Variants in GBF1 observed in about 807,000 individuals in gnomAD.
The protein encoded by GBF1 is Golgi-specific brefeldin A-resistance guanine nucleotide exchange factor 1.
A neutral mutation model predicts 210.5 loss-of-function variants in GBF1; 114 were observed. The ratio of observed to expected loss-of-function variants is 0.54; its 90% CI spans 0.47 to 0.63. The LOEUF (loss-of-function observed/expected upper bound fraction) is 0.63. Ranked by LOEUF, GBF1 falls within the 30% of genes least tolerant of loss-of-function variation. The probability of loss-of-function intolerance (pLI) is 0.00; values close to 1 mark genes in which losing one functional copy is unlikely to be tolerated. For synonymous variants in GBF1, 850 were observed against 889.2 expected, an observed-to-expected ratio of 0.96 and a Z score of 0.78; for missense variants, 1,851 against 2,357.7, an observed-to-expected ratio of 0.79 and a Z score of 4.45.
In GBF1 at chr10:102,362,629, G is replaced by A. The variant is rs769517145; in HGVS notation, c.1841G>A (p.Cys614Tyr). 2 of 1,614,188 alleles carry A rather than the reference G, an allele frequency of 1.2e-6. No homozygotes were observed. The highest frequency in any genetic ancestry group is 2.2e-5 in the South Asian group (2 of 91,086). ...AAGAAGGAGACAGCCAGACCAAGCTGTGAGATAGTAGATGGCACCCGAGAA... is the reference window on the plus strand; with the variant it reads ...AAGAAGGAGACAGCCAGACCAAGCTATGAGATAGTAGATGGCACCCGAGAA... ...QEKKETARPS[C>Y]EIVDGTREAS... The change falls in exon 15 of 40, where the codon TGT becomes TAT. Residue 614 changes from cysteine to tyrosine, a missense_variant. Physicochemically the swap from Cys to Tyr is radical, Grantham distance 194 (BLOSUM62 -2). Coordinates refer to ENST00000369983, the MANE Select transcript of GBF1 (RefSeq NM_001377137.1).
chr10:102,332,358 A>G (rs545581191), intron 3 of GBF1, among the ~76,000 whole-genome samples: 1 of 151,158 alleles, frequency 6.6e-6, no homozygotes, highest in South Asian at 2.1e-4. Context: ...TGTTGGATCC[A>G]CAGACACAGA....
intron 1 of GBF1, among the ~76,000 whole-genome samples, chr10:102,253,903 G>T (rs1461089283): frequency 2.0e-5 from 3 of 152,170 alleles, no homozygotes; most frequent in Non-Finnish European, 2.9e-5. Flanking sequence ...GATTATTAAT[G>T]AAGCTAATAA....
At position 102,370,976 on chromosome 10, in the gene GBF1, C is replaced by T; in HGVS notation, c.3660+116C>T. The T allele has an allele frequency of 3.1e-6, 3 of 978,882 alleles. No individual in the cohort carries two copies. The Admixed American group carries it at 6.6e-5, about 21-fold the overall frequency. The allele number at this position is 978,882 out of a possible 1,614,324, so 60.6% of individuals were successfully genotyped here. A position where few individuals can be genotyped will look rare whatever the true frequency, so the allele number is the denominator to read the frequency against. On this transcript the variant is annotated intron_variant, in intron 29 of 39. Transcript: ENST00000369983. ...CATTTAGTGCCCCATAGCATGAGTCCAGTGACCAACCACAGGGCTGGTGCA... is the reference window on the plus strand; with the variant it reads ...CATTTAGTGCCCCATAGCATGAGTCTAGTGACCAACCACAGGGCTGGTGCA...
At chr10:102,335,288 C>T (rs2057649927) in intron 3 of GBF1, among the ~76,000 whole-genome samples, 1 of 152,162 alleles carries the variant, frequency 6.6e-6, no homozygotes, top group Admixed American at 6.5e-5. Flanking sequence ...TTCAGAGCAC[C>T]TCTCTACCTA....
intron 22 of GBF1, 83 bp downstream of exon 22, chr10:102,368,537 C>A: frequency 1.1e-6 from 1 of 912,140 alleles, no homozygotes; most frequent in Non-Finnish European, 1.8e-6. Context: ...CTGACTCCTA[C>A]TGTTACTTCA....
intron 17 of GBF1, among the ~76,000 whole-genome samples, chr10:102,364,217 C>CTTTTTTTT (rs1031275118): frequency 6.0e-5 from 4 of 66,940 alleles, no homozygotes; most frequent in Non-Finnish European, 1.1e-4. Context: ...CTTTGGATTT[C>CTTTTTTTT]TTTTTTTTTT....
intron 21 of GBF1, 26 bp from the exon 22 acceptor site, chr10:102,368,192 C>A: frequency 6.7e-7 from 1 of 1,496,086 alleles, no homozygotes; most frequent in Non-Finnish European, 9.3e-7. Context: ...AGCAGTGCAA[C>A]TGCTCCTTCC....
intron 4 of GBF1, among the ~76,000 whole-genome samples, chr10:102,344,711 A>C (rs2058419560): frequency 6.6e-6 from 1 of 151,922 alleles, no homozygotes; most frequent in African/African-American, 2.4e-5. Flanking sequence ...CGATCTCCTG[A>C]CCTCATGATC....
Position 102,258,972 on chromosome 10 carries a change from G to A in GBF1, c.34G>A (p.Glu12Lys). 6.2e-7 allele frequency: 1 copy of A among 1,606,550 alleles called. No homozygotes were observed. The change falls in exon 2 of 40, where the codon GAG becomes AAG. Residue 12 changes from glutamate (E) to lysine (K), a missense_variant. This residue lies in a region of GBF1 where 804 missense variants were observed against 958.6 expected (regional missense o/e 0.84). Coordinates refer to ENST00000369983, the MANE Select transcript of GBF1 (RefSeq NM_001377137.1). ...TAAGAATATTTACATCATTCAAGGGGAGATTAACATTGTGGTTGGGGCCAT... is the reference window on the plus strand; with the variant it reads ...TAAGAATATTTACATCATTCAAGGGAAGATTAACATTGTGGTTGGGGCCAT... Reference protein sequence around the residue: ...VDKNIYIIQGEINIVVGAIKR... With the variant: ...VDKNIYIIQGKINIVVGAIKR...
At chr10:102,329,032 G>A (rs1310600897) in intron 3 of GBF1, among the ~76,000 whole-genome samples, 1 of 152,154 alleles carries the variant, frequency 6.6e-6, no homozygotes, top group African/African-American at 2.4e-5. Flanking sequence ...TTAAGTTGGG[G>A]CTTGGTCTTC....
Position 102,366,876 on chromosome 10 carries a change from G to A in GBF1, c.2434-209G>A, listed in dbSNP as rs560808974. Among the ~76,000 whole-genome samples, 3 of 152,046 alleles carry A rather than the reference G, an allele frequency of 2.0e-5. No homozygotes were observed. The highest frequency in any genetic ancestry group is 4.8e-5 in the African/African-American group (2 of 41,478). On this transcript the variant is annotated intron_variant, in intron 19 of 39. Transcript: ENST00000369983. The surrounding 1 kb of genome is among the most constrained non-coding windows in gnomAD (Gnocchi z 4.0). The stretch of plus-strand genomic sequence containing the variant: ...GCTGGGATTACAAGCGTGAACCACC[G>A]CACCCAGCCTGCTGTCTCTTAAAAA...
intron 1 of GBF1, among the ~76,000 whole-genome samples, chr10:102,251,715 G>C (rs2071563198): frequency 1.3e-5 from 2 of 152,058 alleles, no homozygotes; most frequent in South Asian, 4.2e-4. Context: ...CACCACACCT[G>C]GCCAATTTTT....
the GBF1 span, chr10:102,231,011 C>T: frequency 6.3e-7 from 1 of 1,596,972 alleles, no homozygotes; most frequent in Non-Finnish European, 8.5e-7. Context: ...ACCAGCCCCC[C>T]GAGCGGCGCC....
In GBF1 at chr10:102,363,876, G is replaced by A; in HGVS notation, c.2106+78G>A. 1.1e-6 allele frequency: 1 copy of A among 886,576 alleles called. No homozygotes were observed. The highest frequency in any genetic ancestry group is 1.9e-6 in the Non-Finnish European group (1 of 535,148). The allele number at this position is 886,576 out of a possible 1,614,324, so 54.9% of individuals were successfully genotyped here. ...TTGTAGGGTTTCCATCTCAGAAGAT[G>A]AAGGAGAGTCTAGCACCTCATTGTA... On this transcript the variant is annotated intron_variant, in intron 17 of 39. Coordinates refer to ENST00000369983, the MANE Select transcript of GBF1 (RefSeq NM_001377137.1). This position sits in a 1 kb window ranked among gnomAD's most constrained non-coding sequence, Gnocchi z 4.2.
chr10:102,258,043 G>A (rs141573481), intron 1 of GBF1, among the ~76,000 whole-genome samples: 1 of 151,936 alleles, frequency 6.6e-6, no homozygotes, highest in Non-Finnish European at 1.5e-5. Flanking sequence ...GGATTGACTC[G>A]CTTTGAGTTG....
In GBF1 at chr10:102,367,514, A is replaced by C. The variant is rs764201054; in HGVS notation, c.2596A>C (p.Lys866Gln). ...RKNLKGVNGG[K>Q]DFEQDILEDM... ...AAATCTGAAAGGTGTGAATGGAGGCAAGGACTTTGAGCAAGACATCCTGGA... is the reference window on the plus strand; with the variant it reads ...AAATCTGAAAGGTGTGAATGGAGGCCAGGACTTTGAGCAAGACATCCTGGA... Residue 866 changes from lysine (K) to glutamine (Q), a missense_variant, in exon 21 of 40, where the codon AAG (lysine) becomes CAG (glutamine). Lys to Gln is a moderately conservative substitution (Grantham distance 53). Around this residue, in one of 3 missense-constraint regions of GBF1, gnomAD observed 80 missense variants for 151.4 expected, o/e 0.53. Transcript: ENST00000369983. 18 of 1,611,070 alleles carry C rather than the reference A, an allele frequency of 1.1e-5. No homozygotes were observed. The highest frequency in any genetic ancestry group is 1.5e-5 in the Non-Finnish European group (18 of 1,177,292).
Position 102,344,181 on chromosome 10 carries a change from A to G in GBF1, c.294A>G (p.Ile98Met), listed in dbSNP as rs775654598. Reference sequence around the variant, plus strand: ...ACAAGTTCCTGTCCTATGCACTCATAGGTAAGAGCTCAGGCTTTGTTGCAT... The same window carrying G: ...ACAAGTTCCTGTCCTATGCACTCATGGGTAAGAGCTCAGGCTTTGTTGCAT... ...SVNKFLSYAL[I>M]DPTHEGTAEG... is the part of the protein sequence containing the mutation. Residue 98 changes from isoleucine to methionine, a missense_variant and splice_region_variant, in exon 4 of 40, where the codon ATA becomes ATG. Physicochemically the swap from Ile to Met is conservative, Grantham distance 10. This residue lies in a region of GBF1 where 804 missense variants were observed against 958.6 expected (regional missense o/e 0.84). Coordinates refer to ENST00000369983, the MANE Select transcript of GBF1 (RefSeq NM_001377137.1). 6.2e-7 allele frequency: 1 copy of G among 1,613,886 alleles called. No homozygotes were observed. Among genetic ancestry groups the G allele is most frequent in the South Asian group, 1.1e-5 (1 of 91,068 alleles).
chr10:102,308,464 T>C (rs1383727490), intron 3 of GBF1, among the ~76,000 whole-genome samples: 3 of 152,044 alleles, frequency 2.0e-5, no homozygotes, highest in Admixed American at 6.6e-5. Context: ...AGCAAAGACT[T>C]GGAACCAACC....
intron 7 of GBF1, among the ~76,000 whole-genome samples, chr10:102,353,366 G>T (rs1484019201): frequency 6.6e-6 from 1 of 152,114 alleles, no homozygotes; most frequent in Admixed American, 6.6e-5. Flanking sequence ...CACACTCCAA[G>T]GGCACTTACC....
Sources: gnomAD v4.1 joint callset for allele counts (sites outside exome capture counted in the v4.1 genomes callset) on GRCh38, gnomAD v4.1.1 for gene constraint, gnomAD v4.1.1 regional missense constraint, Gnocchi (gnomAD v3.1) non-coding constraint, MANE v1.5 for transcripts, NCBI Gene and HGNC (gene_info 2026-07-23, HGNC 2026-07-21) for gene names.